PCLO: variants seen among roughly 807,000 people sequenced by gnomAD.
The protein encoded by PCLO is protein piccolo.
Under a neutral mutation model 427.5 loss-of-function variants are expected in PCLO, and 82 were observed. The ratio of observed to expected loss-of-function variants is 0.19; its 90% CI spans 0.16 to 0.23. PCLO has a LOEUF of 0.23. Ranked by LOEUF, PCLO falls within the 10% of genes least tolerant of loss-of-function variation. PCLO has a pLI of 1.00. For missense variants in PCLO, 6,239 were observed against 6,115.9 expected, an observed-to-expected ratio of 1.02 and a Z score of -0.67; for synonymous variants, 2,357 against 2,155.4, an observed-to-expected ratio of 1.09 and a Z score of -2.59.
chr7:83,159,486 T>C (rs1792380287), intron 1 of PCLO, among the ~76,000 whole-genome samples: 1 of 151,976 alleles, frequency 6.6e-6, no homozygotes, highest in African/African-American at 2.4e-5. Context: ...GAACAAAAAA[T>C]CCATGAGCAT....
chr7:83,024,642 C>A (rs2116084561), intron 3 of PCLO, among the ~76,000 whole-genome samples: 1 of 152,338 alleles, frequency 6.6e-6, no homozygotes, highest in South Asian at 2.1e-4. Context: ...TAGGCTCCAC[C>A]TCTGGGGGCA....
At chr7:82,958,037 C>T (rs1046409354) in intron 4 of PCLO, among the ~76,000 whole-genome samples, 11 of 152,146 alleles carry the variant, frequency 7.2e-5, no homozygotes, top group Non-Finnish European at 4.4e-5. Context: ...AAAACTGATT[C>T]AGTTAGTTGT....
At chr7:83,008,717 T>C (rs1788007753) in intron 3 of PCLO, among the ~76,000 whole-genome samples, 1 of 151,736 alleles carries the variant, frequency 6.6e-6, no homozygotes, top group Non-Finnish European at 1.5e-5. Flanking sequence ...TTGACTCAGA[T>C]AGTACAGCTA....
chr7:83,076,728 CA>C (rs1467347501), intron 3 of PCLO, among the ~76,000 whole-genome samples: 1 of 145,446 alleles, frequency 6.9e-6, no homozygotes, highest in Non-Finnish European at 1.5e-5. Context: ...CAAAACCAAA[CA>C]AAAAAGCAAA....
At chr7:83,090,129 C>A (rs530476627) in intron 3 of PCLO, among the ~76,000 whole-genome samples, 24 of 152,216 alleles carry the variant, frequency 1.6e-4, no homozygotes, top group Non-Finnish European at 1.0e-4. Flanking sequence ...ATGGTAAACC[C>A]TGTCTCTACT....
chr7:83,124,303 G>A (rs144420450), intron 3 of PCLO, among the ~76,000 whole-genome samples: 2,120 of 147,820 alleles, frequency 0.014, 34 homozygotes, highest in African/African-American at 0.046. Flanking sequence ...GCAGTGAGCC[G>A]AGATAGCACC....
chr7:83,106,971 G>A (rs1790873931), intron 3 of PCLO, among the ~76,000 whole-genome samples: 1 of 152,014 alleles, frequency 6.6e-6, no homozygotes, highest in Non-Finnish European at 1.5e-5. Context: ...ATTAAGTAGT[G>A]TGATTTATGA....
chr7:82,906,567 A>G (rs1794196722), intron 8 of PCLO, among the ~76,000 whole-genome samples: 1 of 152,086 alleles, frequency 6.6e-6, no homozygotes, highest in Non-Finnish European at 1.5e-5. Context: ...ATGTTATAGT[A>G]GAATCTATTT....
chr7:82,793,025 G>A (rs535997928), intron 22 of PCLO, among the ~76,000 whole-genome samples: 13 of 146,650 alleles, frequency 8.9e-5, no homozygotes, highest in African/African-American at 3.3e-4. Flanking sequence ...TTTACAATTC[G>A]CTCAGCTTTC....
rs535406924 is a variant in PCLO, at chr7:83,022,818, C to T, written c.3301-56331G>A. On this transcript the variant is annotated intron_variant, in intron 3 of 24. Transcript: ENST00000333891. ...TGCAATAGCTCCTAAGTGCCTCTGG[C>T]GTAAAAAAAACTATCTGAAAGCCTG... Among the ~76,000 whole-genome samples the T allele has an allele frequency of 1.3e-3, 194 of 151,980 alleles. 1 individual carries two copies. Among genetic ancestry groups the T allele is most frequent in the Non-Finnish European group, 2.5e-3 (171 of 67,948 alleles).
chr7:82,783,911 A>G (rs1790929183), intron 22 of PCLO, among the ~76,000 whole-genome samples: 1 of 150,636 alleles, frequency 6.6e-6, no homozygotes, highest in Non-Finnish European at 1.5e-5. Context: ...ATTATATATA[A>G]TTATATATGT....
chr7:82,896,983 G>C lies in PCLO; in HGVS notation c.13528+5668C>G, dbSNP rs542683434. 8.6e-5 allele frequency among the ~76,000 whole-genome samples: 13 copies of C among 151,642 alleles called. No homozygotes were observed. The East Asian group carries it at 2.5e-3, about 29-fold the overall frequency. On this transcript the variant is annotated intron_variant, in intron 9 of 24. Transcript: ENST00000333891. ...GAATTTCTTTGGCTTGTTTCAAACAGCTGTGTTTCTGAGGCCATAAGATGG... is the reference window on the plus strand; with the variant it reads ...GAATTTCTTTGGCTTGTTTCAAACACCTGTGTTTCTGAGGCCATAAGATGG...
intron 9 of PCLO, among the ~76,000 whole-genome samples, chr7:82,887,360 A>C (rs532930298): frequency 6.6e-6 from 1 of 152,292 alleles, no homozygotes; most frequent in East Asian, 1.9e-4. Context: ...CCTTTATTGA[A>C]TCCCATTTCC....
intron 10 of PCLO, among the ~76,000 whole-genome samples, chr7:82,852,545 G>T (rs557924215): frequency 1.1e-4 from 17 of 152,218 alleles, no homozygotes; most frequent in African/African-American, 4.1e-4. Context: ...GTACACCAGT[G>T]GTTTGCCAGG....
At chr7:82,908,086 T>C (rs12112394) in intron 8 of PCLO, among the ~76,000 whole-genome samples, 1 of 152,014 alleles carries the variant, frequency 6.6e-6, no homozygotes, top group Admixed American at 6.6e-5. Context: ...ATTTCAATAA[T>C]CATAATGAGT....
At chr7:83,120,212 G>A (rs1241681335) in intron 3 of PCLO, among the ~76,000 whole-genome samples, 1 of 151,686 alleles carries the variant, frequency 6.6e-6, no homozygotes, top group Non-Finnish European at 1.5e-5. Context: ...GACCAGCCTG[G>A]CCAACATAGC....
chr7:83,148,266 C>T (rs997484707), intron 2 of PCLO, among the ~76,000 whole-genome samples: 5 of 152,166 alleles, frequency 3.3e-5, no homozygotes, highest in South Asian at 2.1e-4. Context: ...ACTGTAATCA[C>T]CCAATAGAAG....
rs773839756 is a variant in PCLO at position 83,154,735 on chromosome 7, T to A, written c.1893+13A>T. 1.3e-6 allele frequency: 2 copies of A among 1,599,140 alleles called. No homozygotes were observed. The highest frequency in any genetic ancestry group is 1.7e-6 in the Non-Finnish European group (2 of 1,166,862). ...GGCTGAAGAGTATGGACTCAGTGAA[T>A]AAATGCACTTACCTCCGTTAAATGA... On this transcript the variant is annotated intron_variant, in intron 2 of 24. Transcript: ENST00000333891.
intron 3 of PCLO, among the ~76,000 whole-genome samples, chr7:83,007,683 T>A (rs376763597): frequency 1.3e-5 from 2 of 151,182 alleles, no homozygotes; most frequent in East Asian, 1.9e-4. Flanking sequence ...AATGTAAGAG[T>A]GTGGGTTTGT....
Sources: allele counts gnomAD v4.1 joint callset (sites outside exome capture counted in the v4.1 genomes callset), GRCh38; gene constraint gnomAD v4.1.1; transcripts MANE v1.5; gene names NCBI Gene and HGNC (gene_info 2026-07-23, HGNC 2026-07-21).